LMBR1: variants seen among roughly 807,000 people sequenced by gnomAD.
LMBR1 encodes limb development membrane protein 1.
LMBR1 carries 52 observed loss-of-function variants against 73.9 expected under a neutral mutation model. That is an observed-to-expected ratio of 0.70 (90% CI 0.56 to 0.89). LMBR1 has a LOEUF of 0.89. Ranked by LOEUF, LMBR1 falls within the 40% of genes least tolerant of loss-of-function variation. LMBR1 has a pLI of 0.00. For synonymous variants in LMBR1, 215 were observed against 209.4 expected (o/e 1.03, Z -0.23); for missense variants, 539 against 579.8 (o/e 0.93, Z 0.72).
intron 15 of LMBR1, among the ~76,000 whole-genome samples, chr7:156,709,894 TGA>T (rs1811709201): frequency 1.4e-5 from 2 of 145,598 alleles, no homozygotes; most frequent in South Asian, 4.4e-4. Flanking sequence ...TTCAGAAGGT[TGA>T]TTTTTTTTTT....
chr7:156,879,290 T>C (rs557938763), intron 1 of LMBR1, among the ~76,000 whole-genome samples: 5 of 152,174 alleles, frequency 3.3e-5, no homozygotes, highest in Admixed American at 1.3e-4. Flanking sequence ...CTTCACAATC[T>C]ATACATCTGA....
chr7:156,721,074 TACTGAAAATAA>T (rs2132324245), intron 15 of LMBR1, among the ~76,000 whole-genome samples: 1 of 152,144 alleles, frequency 6.6e-6, no homozygotes, highest in East Asian at 1.9e-4. Flanking sequence ...TATGTGAAAA[TACTGAAAATAA>T]ATTCAAGCTG....
In LMBR1 at chr7:156,838,570, A is replaced by G. The variant is rs79173346; in HGVS notation, c.67-1685T>C. On this transcript the variant is annotated intron_variant, in intron 1 of 16. Coordinates refer to ENST00000353442, the MANE Select transcript of LMBR1 (RefSeq NM_022458.4). ...GATTCTTTCTTTTTTACAGCTGAAT[A>G]GTATTCCCTTGTGTATATACACTAC... Among the ~76,000 whole-genome samples, 68 of 152,330 alleles carry G rather than the reference A, an allele frequency of 4.5e-4. 1 individual carries two copies. Among genetic ancestry groups the G allele is most frequent in the African/African-American group, 1.6e-3 (66 of 41,582 alleles).
rs1275477155 is a variant in LMBR1 at position 156,767,872 on chromosome 7, G to C, written c.424-4077C>G. ...CAAAACGAAAGTGATACTAAAAAAA[G>C]TGAAAATGATTAAAAATTATTGTTT... On this transcript the variant is annotated intron_variant, in intron 5 of 16. Transcript: ENST00000353442. 2.0e-5 allele frequency among the ~76,000 whole-genome samples: 3 copies of C among 152,098 alleles called. No individual in the cohort carries two copies. In the East Asian group the frequency reaches 5.8e-4, roughly 29 times the overall value.
At chr7:156,707,472 G>A (rs1811208940) in intron 15 of LMBR1, among the ~76,000 whole-genome samples, 1 of 152,092 alleles carries the variant, frequency 6.6e-6, no homozygotes, top group Non-Finnish European at 1.5e-5. Flanking sequence ...AACTCTCAAT[G>A]AAATATTAGC....
At chr7:156,811,815 AC>A (rs1375904328) in intron 4 of LMBR1, among the ~76,000 whole-genome samples, 1 of 152,132 alleles carries the variant, frequency 6.6e-6, no homozygotes, top group African/African-American at 2.4e-5. Flanking sequence ...CTACTCTCTT[AC>A]AGTTCCAGGG....
chr7:156,869,183 TAA>T (rs1403239324), intron 1 of LMBR1, among the ~76,000 whole-genome samples: 1 of 152,210 alleles, frequency 6.6e-6, no homozygotes, highest in Non-Finnish European at 1.5e-5. Context: ...CATCATGCCT[TAA>T]GTTTCTTAAA....
At chr7:156,829,299 C>T (rs1836249392) in intron 3 of LMBR1, among the ~76,000 whole-genome samples, 1 of 152,218 alleles carries the variant, frequency 6.6e-6, no homozygotes, top group Non-Finnish European at 1.5e-5. Flanking sequence ...GTTTGGATAT[C>T]TGTCCCCTCC....
At chr7:156,816,669 T>TATAAGAAAGTAAAA (rs1343499024) in intron 4 of LMBR1, among the ~76,000 whole-genome samples, 2 of 152,280 alleles carry the variant, frequency 1.3e-5, no homozygotes, top group Middle Eastern at 6.8e-3. Context: ...ATTTGCAATA[T>TATAAGAAAGTAAAA]ATAAGAAAGT....
intron 4 of LMBR1, among the ~76,000 whole-genome samples, chr7:156,797,502 A>T (rs1830248427): frequency 2.0e-5 from 3 of 152,230 alleles, no homozygotes; most frequent in South Asian, 2.1e-4. Flanking sequence ...CTTCATTTCC[A>T]AGCAGTGGAG....
chr7:156,750,283 C>T (rs1432914000), intron 9 of LMBR1, among the ~76,000 whole-genome samples: 5 of 146,438 alleles, frequency 3.4e-5, no homozygotes, highest in Admixed American at 6.8e-5. Flanking sequence ...GTTAAGTGTG[C>T]GTGTGTGTGT....
At chr7:156,786,457 G>C (rs1828127001) in intron 5 of LMBR1, among the ~76,000 whole-genome samples, 1 of 152,118 alleles carries the variant, frequency 6.6e-6, no homozygotes. Flanking sequence ...GTAATACAGA[G>C]AGAAAATAAC....
chr7:156,893,152 G>C lies in LMBR1; in HGVS notation c.-159C>G, dbSNP rs971910639. 1.8e-5 allele frequency: 10 copies of C among 565,302 alleles called. No homozygotes were observed. In the East Asian group the frequency reaches 3.5e-4, roughly 20 times the overall value. The allele number at this position is 565,302 out of a possible 1,614,324, so 35.0% of individuals were successfully genotyped here. A position where few individuals can be genotyped will look rare whatever the true frequency, so the allele number is the denominator to read the frequency against. On this transcript the variant is annotated 5_prime_UTR_variant, in exon 1 of 17. Coordinates refer to ENST00000353442, the MANE Select transcript of LMBR1 (RefSeq NM_022458.4). ...TACCGCGACCACGACACCGGCCGTC[G>C]CCTCAGCAGCCTCAGACGAGCAGCT...
At chr7:156,746,243 G>A (rs191303727) in intron 9 of LMBR1, among the ~76,000 whole-genome samples, 1 of 152,118 alleles carries the variant, frequency 6.6e-6, no homozygotes. Flanking sequence ...TCATTGACTG[G>A]AAATACAATT....
intron 15 of LMBR1, among the ~76,000 whole-genome samples, chr7:156,720,129 T>C (rs1814201550): frequency 6.6e-6 from 1 of 151,442 alleles, no homozygotes; most frequent in South Asian, 2.1e-4. Context: ...CTAAAGAGCT[T>C]CTGCACAGCA....
intron 1 of LMBR1, among the ~76,000 whole-genome samples, chr7:156,874,630 G>A (rs886381021): frequency 1.3e-5 from 2 of 152,244 alleles, no homozygotes; most frequent in Non-Finnish European, 2.9e-5. Context: ...AGGACTCTGT[G>A]CAGACAACCC....
At chr7:156,777,959 T>C (rs1826454587) in intron 5 of LMBR1, among the ~76,000 whole-genome samples, 1 of 152,184 alleles carries the variant, frequency 6.6e-6, no homozygotes, top group South Asian at 2.1e-4. Flanking sequence ...CACCAAGTGC[T>C]TCTGATTCTA....
At chr7:156,807,252 G>T (rs1248487884) in intron 4 of LMBR1, among the ~76,000 whole-genome samples, 1 of 152,146 alleles carries the variant, frequency 6.6e-6, no homozygotes, top group Non-Finnish European at 1.5e-5. Context: ...AGTGAATTAG[G>T]AAATGTTCCC....
Position 156,680,992 on chromosome 7 carries a change from C to A in LMBR1, c.*3086G>T. The A allele has an allele frequency of 3.2e-6, 1 of 309,198 alleles. No individual in the cohort carries two copies. The highest frequency in any genetic ancestry group is 6.2e-6 in the Non-Finnish European group (1 of 162,580). The allele number at this position is 309,198 out of a possible 1,614,324, so 19.2% of individuals were successfully genotyped here. The stretch of plus-strand genomic sequence containing the variant: ...AACAAAACAATCTGTAAACAAAAAT[C>A]AATTACTAGTGTGTCCAAATGTTAT... On this transcript the variant is annotated 3_prime_UTR_variant, in exon 17 of 17. Coordinates refer to ENST00000353442, the MANE Select transcript of LMBR1 (RefSeq NM_022458.4).
Sources: gnomAD v4.1 joint callset for allele counts (sites outside exome capture counted in the v4.1 genomes callset) on GRCh38, gnomAD v4.1.1 for gene constraint, MANE v1.5 for transcripts, NCBI Gene and HGNC (gene_info 2026-07-23, HGNC 2026-07-21) for gene names.